Variants in ACYP2 observed in about 807,000 individuals in gnomAD.
The protein encoded by ACYP2 is acylphosphatase 2.
Under a neutral mutation model 11.2 loss-of-function variants are expected in ACYP2, and 12 were observed. That is an observed-to-expected ratio of 1.08 (90% CI 0.69 to 1.74). ACYP2 has a LOEUF of 1.74. Among genes scored for constraint, ACYP2 ranks in the 40% most tolerant of loss-of-function variants. The pLI, the probability that ACYP2 is intolerant of heterozygous loss-of-function variation, is 0.00. For missense variants in ACYP2, 134 were observed against 101.9 expected (o/e 1.31, Z -1.35); for synonymous variants, 43 against 32.2 (o/e 1.33, Z -1.13).
intron 6 of ACYP2, among the ~76,000 whole-genome samples, chr2:54,242,659 C>A (rs1490978073): frequency 6.6e-6 from 1 of 152,208 alleles, no homozygotes; most frequent in Non-Finnish European, 1.5e-5. Flanking sequence ...CATTGTGTTA[C>A]AGTTGCCTAC....
At chr2:54,295,870 C>T (rs992734541) in intron 6 of ACYP2, among the ~76,000 whole-genome samples, 40 of 152,206 alleles carry the variant, frequency 2.6e-4, no homozygotes, top group African/African-American at 9.2e-4. Context: ...AAGCAATTCT[C>T]GTACCTCAGC....
chr2:54,252,504 A>G (rs1052895603), intron 6 of ACYP2, among the ~76,000 whole-genome samples: 8 of 152,158 alleles, frequency 5.3e-5, no homozygotes, highest in African/African-American at 1.9e-4. Flanking sequence ...CATAAACAGT[A>G]TATGGGCCTT....
intron 6 of ACYP2, chr2:54,255,308 CT>C (rs1478785560): frequency 1.2e-6 from 2 of 1,614,216 alleles, no homozygotes; most frequent in Non-Finnish European, 1.7e-6. Context: ...AGCTCCTTCA[CT>C]TCCAAATTGG....
chr2:54,189,757 A>C (rs186954353), intron 6 of ACYP2, among the ~76,000 whole-genome samples: 8 of 152,250 alleles, frequency 5.3e-5, no homozygotes, highest in African/African-American at 1.9e-4. Flanking sequence ...TGACAGTACT[A>C]CTTTTAACTT....
At chr2:54,023,236 A>C (rs1442913718) in intron 2 of ACYP2, among the ~76,000 whole-genome samples, 2 of 152,120 alleles carry the variant, frequency 1.3e-5, no homozygotes, top group Non-Finnish European at 2.9e-5. Flanking sequence ...GGTTGTGACC[A>C]TATATTTTAT....
chr2:54,260,787 A>G (rs114075374), intron 6 of ACYP2, among the ~76,000 whole-genome samples: 1,841 of 152,304 alleles, frequency 0.012, 31 homozygotes, highest in African/African-American at 0.042. Flanking sequence ...GAGGAGGTCA[A>G]TGAGCCAACA....
rs1392026986 is a variant in ACYP2 at position 54,138,738 on chromosome 2, G to A, written c.394G>A (p.Val132Ile). The A allele has an allele frequency of 6.2e-7, 1 of 1,612,284 alleles. No individual in the cohort carries two copies. The highest frequency in any genetic ancestry group is 8.5e-7 in the Non-Finnish European group (1 of 1,179,406). Residue 132 changes from valine (V) to isoleucine (I), a missense_variant, in exon 6 of 7, where the codon GTC (valine) becomes ATC (isoleucine). Val to Ile is a conservative substitution (Grantham distance 29, BLOSUM62 3). Transcript: ENST00000607452. Reference sequence around the variant, plus strand: ...CCAAGTGCAGGGGCCAGAAGACAAAGTCAATTCCATGTGAGTAGTAAAATT... The same window carrying A: ...CCAAGTGCAGGGGCCAGAAGACAAAATCAATTCCATGTGAGTAGTAAAATT...
At chr2:54,018,003 G>A (rs564386944) in intron 2 of ACYP2, among the ~76,000 whole-genome samples, 1 of 152,156 alleles carries the variant, frequency 6.6e-6, no homozygotes, top group East Asian at 1.9e-4. Flanking sequence ...CCTGGCCAGT[G>A]CTCCTATTTG....
intron 6 of ACYP2, among the ~76,000 whole-genome samples, chr2:54,300,183 C>T (rs1400426323): frequency 6.6e-6 from 1 of 152,174 alleles, no homozygotes; most frequent in Non-Finnish European, 1.5e-5. Context: ...ATCTCTTGAT[C>T]CTGTTTCTTC....
intron 4 of ACYP2, among the ~76,000 whole-genome samples, chr2:54,067,147 G>A (rs1331301361): frequency 1.3e-5 from 2 of 152,110 alleles, no homozygotes; most frequent in Non-Finnish European, 2.9e-5. Context: ...AGATATTATT[G>A]TTAACTTACT....
chr2:54,099,746 T>C (rs1678791883), intron 4 of ACYP2, among the ~76,000 whole-genome samples: 1 of 152,224 alleles, frequency 6.6e-6, no homozygotes, highest in Admixed American at 6.5e-5. Flanking sequence ...TGTGAAAATG[T>C]TGCAGTGAAC....
intron 2 of ACYP2, among the ~76,000 whole-genome samples, chr2:53,988,867 C>T (rs1203340431): frequency 6.6e-6 from 1 of 152,120 alleles, no homozygotes; most frequent in Non-Finnish European, 1.5e-5. Context: ...CTGCCTTAGG[C>T]TCCTTAGCAG....
At chr2:54,224,486 T>A (rs1685925864) in intron 6 of ACYP2, among the ~76,000 whole-genome samples, 1 of 152,030 alleles carries the variant, frequency 6.6e-6, no homozygotes, top group Admixed American at 6.5e-5. Context: ...TTTGTGTGTA[T>A]GCAAAAAAGG....
intron 4 of ACYP2, among the ~76,000 whole-genome samples, chr2:54,064,380 G>T (rs1280311207): frequency 2.6e-5 from 4 of 152,200 alleles, no homozygotes; most frequent in Admixed American, 2.6e-4. Flanking sequence ...GCCTTGGCAG[G>T]TGTGGCAGTG....
At chr2:54,118,538 A>G (rs1679949416) in intron 4 of ACYP2, among the ~76,000 whole-genome samples, 2 of 152,370 alleles carry the variant, frequency 1.3e-5, no homozygotes, top group African/African-American at 2.4e-5. Flanking sequence ...ATGGGATTTG[A>G]TTCTACATCT....
chr2:54,246,985 T>C lies in ACYP2; in HGVS notation c.405-57703T>C, dbSNP rs142589280. On this transcript the variant is annotated intron_variant, in intron 6 of 6. Coordinates refer to ENST00000607452, the MANE Select transcript of ACYP2 (RefSeq NM_001320586.2). ...AGGAAAGACACTTAAGACCCTCTAG[T>C]CTACCTTCCTCCCATCATGAGTATT... Among the ~76,000 whole-genome samples the C allele has an allele frequency of 1.4e-4, 21 of 152,320 alleles. No homozygotes were observed. The East Asian group carries it at 4.0e-3, about 29-fold the overall frequency.
At position 54,198,738 on chromosome 2, in the gene ACYP2, A is replaced by G. The variant is rs77192457; in HGVS notation, c.404+59990A>G. ...ACTTATAAAAAATGAACAAAAACCA[A>G]TAAATCAAAGAAAACATTTAGCTCA... On this transcript the variant is annotated intron_variant, in intron 6 of 6. Coordinates refer to ENST00000607452, the MANE Select transcript of ACYP2 (RefSeq NM_001320586.2). 4.3e-3 allele frequency among the ~76,000 whole-genome samples: 659 copies of G among 152,370 alleles called. 2 individuals carry two copies. Among genetic ancestry groups the G allele is most frequent in the Admixed American group, 5.9e-3 (91 of 15,310 alleles).
chr2:54,002,504 C>T (rs1474488708), intron 2 of ACYP2, among the ~76,000 whole-genome samples: 1 of 151,864 alleles, frequency 6.6e-6, no homozygotes, highest in African/African-American at 2.4e-5. Flanking sequence ...CACCACCATG[C>T]CCGGCTAATT....
intron 6 of ACYP2, among the ~76,000 whole-genome samples, chr2:54,238,793 T>C (rs1686609132): frequency 6.6e-6 from 1 of 152,030 alleles, no homozygotes; most frequent in African/African-American, 2.4e-5. Flanking sequence ...ATTATTGTGA[T>C]TGCACATGAA....
Sources: gnomAD v4.1 joint callset for allele counts (sites outside exome capture counted in the v4.1 genomes callset) on GRCh38, gnomAD v4.1.1 for gene constraint, MANE v1.5 for transcripts, NCBI Gene and HGNC (gene_info 2026-07-23, HGNC 2026-07-21) for gene names.